The following GMFB variants were observed in gnomAD, a reference collection of about 807,000 sequenced individuals.
GMFB encodes glia maturation factor beta.
Under a neutral mutation model 25.6 loss-of-function variants are expected in GMFB, and 13 were observed. That is an observed-to-expected ratio of 0.51 (90% CI 0.33 to 0.81). GMFB has a LOEUF of 0.81. Among genes scored for constraint, GMFB ranks in the 30% least tolerant of loss-of-function variants. The pLI, the probability that GMFB is intolerant of heterozygous loss-of-function variation, is 0.02. For synonymous variants in GMFB, 57 were observed against 56.9 expected (o/e 1.00, Z 0.00); for missense variants, 146 against 175.4 (o/e 0.83, Z 0.95).
rs756306315 is a variant in GMFB at position 54,482,222 on chromosome 14, T to A, written c.101-20A>T. ...TCTTCACTAAAATAAAAATCAAGTA[T>A]GAGTAAGCTGGGATTCTAATGTGAC... On this transcript the variant is annotated intron_variant, in intron 2 of 6. Coordinates refer to ENST00000358056, the MANE Select transcript of GMFB (RefSeq NM_004124.3). The A allele has an allele frequency of 6.4e-7, 1 of 1,559,558 alleles. No homozygotes were observed. The highest frequency in any genetic ancestry group is 2.2e-5 in the East Asian group (1 of 44,562).
At chr14:54,485,886 A>G (rs1435432563) in intron 1 of GMFB, among the ~76,000 whole-genome samples, 1 of 152,208 alleles carries the variant, frequency 6.6e-6, no homozygotes, top group Non-Finnish European at 1.5e-5. Flanking sequence ...GATGCCAAAA[A>G]CATACACTGG....
intron 3 of GMFB, 149 bp from the exon 4 acceptor site, chr14:54,481,607 C>T: frequency 1.6e-6 from 1 of 617,190 alleles, no homozygotes. Flanking sequence ...TACATAAACT[C>T]AGGTTACTAA....
In GMFB at chr14:54,482,079, T is replaced by C. The variant is rs1417410985; in HGVS notation, c.150+74A>G. The C allele has an allele frequency of 3.7e-5, 35 of 937,496 alleles. No individual in the cohort carries two copies. In the East Asian group the frequency reaches 8.3e-4, roughly 22 times the overall value. 58.1% of individuals were successfully genotyped at this position (937,496 alleles called of 1,614,324 possible). On this transcript the variant is annotated intron_variant, in intron 3 of 6. Coordinates refer to ENST00000358056, the MANE Select transcript of GMFB (RefSeq NM_004124.3). Reference sequence around the variant, plus strand: ...GTTCAAGATTCGTTTTAGAAGCATATGTAACTAATATAGCATCTTTTGAGA... The same window carrying C: ...GTTCAAGATTCGTTTTAGAAGCATACGTAACTAATATAGCATCTTTTGAGA...
Position 54,488,940 on chromosome 14 carries a change from C to A in GMFB, c.-13G>T, listed in dbSNP as rs1345531841. ...GGCAACTCACCATTTTCCTTCCGGC[C>A]GTCAGCGGCCTGTCGCCTACACTCG... On this transcript the variant is annotated 5_prime_UTR_variant, in exon 1 of 7. Coordinates refer to ENST00000358056, the MANE Select transcript of GMFB (RefSeq NM_004124.3). 1 of 1,560,400 alleles carries A rather than the reference C, an allele frequency of 6.4e-7. No individual in the cohort carries two copies. Among genetic ancestry groups the A allele is most frequent in the Non-Finnish European group, 8.6e-7 (1 of 1,156,488 alleles).
chr14:54,479,726 A>G, intron 6 of GMFB, 60 bp downstream of exon 6: 6 of 963,660 alleles, frequency 6.2e-6, no homozygotes, highest in Non-Finnish European at 1.0e-5. Flanking sequence ...TATTTTAGCT[A>G]TTGCTTTATA....
chr14:54,481,513 A>G, intron 3 of GMFB, 55 bp from the exon 4 acceptor site: 1 of 1,118,792 alleles, frequency 8.9e-7, no homozygotes, highest in Non-Finnish European at 1.4e-6. Context: ...TAAGTCCTTA[A>G]GAGATACACC....
chr14:54,476,327 T>C lies in GMFB; in HGVS notation c.*1761A>G, dbSNP rs910665269. ...TTCTTGCAGCACTAGTTTCTCTTAC[T>C]GCTGCAAAACAGGTGAAACAAAACC... On this transcript the variant is annotated 3_prime_UTR_variant, in exon 7 of 7. Transcript: ENST00000358056. The C allele has an allele frequency of 1.3e-5, 2 of 152,078 alleles. No individual in the cohort carries two copies. The highest frequency in any genetic ancestry group is 2.9e-5 in the Non-Finnish European group (2 of 67,922). The allele number at this position is 152,078 out of a possible 1,614,324, so 9.4% of individuals were successfully genotyped here. A position where few individuals can be genotyped will look rare whatever the true frequency, so the allele number is the denominator to read the frequency against.
intron 1 of GMFB, among the ~76,000 whole-genome samples, chr14:54,487,522 G>A (rs535972071): frequency 6.6e-6 from 1 of 151,574 alleles, no homozygotes; most frequent in East Asian, 1.9e-4. Flanking sequence ...CAACGCGACA[G>A]AGCGAGACTC....
intron 4 of GMFB, 104 bp downstream of exon 4, chr14:54,481,305 C>G (rs2031707688): frequency 2.5e-6 from 2 of 786,124 alleles, no homozygotes; most frequent in Admixed American, 2.0e-5. Context: ...ATTTGGCTGT[C>G]ATCATGACAC....
intron 1 of GMFB, among the ~76,000 whole-genome samples, chr14:54,486,829 C>T (rs1026789320): frequency 1.4e-5 from 2 of 144,568 alleles, no homozygotes; most frequent in East Asian, 4.3e-4. Context: ...ACCCAGGCAG[C>T]CTATCTTAAC....
Position 54,483,677 on chromosome 14 carries a change from T to G in GMFB, c.94A>C (p.Ile32Leu), listed in dbSNP as rs186866398. The G allele has an allele frequency of 1.9e-5, 29 of 1,540,944 alleles. No individual in the cohort carries two copies. In the East Asian group the frequency reaches 6.5e-4, roughly 35 times the overall value. ...RFRKETNNAA[I>L]IMKIDKDKRL... ...GCAATCACTTTTAGCTTACTTATAA[T>G]AGCAGCGTTGTTCGTTTCTTTGCGA... The change falls in exon 2 of 7, where the codon ATT (isoleucine) becomes CTT (leucine). Residue 32 changes from isoleucine (I) to leucine (L), a missense_variant. By Grantham distance (5) the Ile-to-Leu change is conservative. Coordinates refer to ENST00000358056, the MANE Select transcript of GMFB (RefSeq NM_004124.3).
intron 1 of GMFB, among the ~76,000 whole-genome samples, chr14:54,486,068 G>A (rs909802952): frequency 6.6e-5 from 10 of 152,118 alleles, no homozygotes; most frequent in Non-Finnish European, 1.3e-4. Context: ...TGGCTAACAT[G>A]GTGAAACCCC....
Position 54,475,639 on chromosome 14 carries a change from C to T in GMFB, c.*2449G>A, listed in dbSNP as rs113526277. 85 of 152,572 alleles carry T rather than the reference C, an allele frequency of 5.6e-4. No homozygotes were observed. The highest frequency in any genetic ancestry group is 1.9e-3 in the African/African-American group (77 of 41,542). The allele number at this position is 152,572 out of a possible 1,614,324, so 9.5% of individuals were successfully genotyped here. A position where few individuals can be genotyped will look rare whatever the true frequency, so the allele number is the denominator to read the frequency against. ...GCATAGTAACCTGAGAAGTTTTCTT[C>T]GTATGTATTTTTGTTGTCATGGAAA... On this transcript the variant is annotated 3_prime_UTR_variant, in exon 7 of 7. Transcript: ENST00000358056.
chr14:54,482,109 ATAAT>A (rs750704325), intron 3 of GMFB, 40 bp downstream of exon 3: 2 of 1,226,912 alleles, frequency 1.6e-6, no homozygotes, highest in Admixed American at 1.8e-5. Flanking sequence ...TTGAGAAATA[ATAAT>A]TACTTAACTA....
At position 54,488,963 on chromosome 14, in the gene GMFB, T is replaced by C; in HGVS notation, c.-36A>G. On this transcript the variant is annotated 5_prime_UTR_variant, in exon 1 of 7. Coordinates refer to ENST00000358056, the MANE Select transcript of GMFB (RefSeq NM_004124.3). ...GCCGTCAGCGGCCTGTCGCCTACACTCGGGCGCCTTTAAGAATGGCACGGC... is the reference window on the plus strand; with the variant it reads ...GCCGTCAGCGGCCTGTCGCCTACACCCGGGCGCCTTTAAGAATGGCACGGC... The C allele has an allele frequency of 1.3e-6, 2 of 1,548,836 alleles. No individual in the cohort carries two copies. The highest frequency in any genetic ancestry group is 1.7e-6 in the Non-Finnish European group (2 of 1,149,128).
chr14:54,476,409 GCATTCCTA>G lies in GMFB; in HGVS notation c.*1671_*1678del, dbSNP rs2031641169. ...CTCTCCACTCACTTGGATTACATGT[GCATTCCTA>G]CAGAATTATATGCATGTTATTCTCC... On this transcript the variant is annotated 3_prime_UTR_variant, in exon 7 of 7. Transcript: ENST00000358056. 1 of 151,966 alleles carries G rather than the reference GCATTCCTA, an allele frequency of 6.6e-6. No homozygotes were observed. The highest frequency in any genetic ancestry group is 1.5e-5 in the Non-Finnish European group (1 of 67,892). 9.4% of individuals were successfully genotyped at this position (151,966 alleles called of 1,614,324 possible).
At chr14:54,479,657 G>A in intron 6 of GMFB, 129 bp downstream of exon 6, 1 of 533,234 alleles carries the variant, frequency 1.9e-6, no homozygotes, top group Non-Finnish European at 3.4e-6. Context: ...AAAAGCTTTG[G>A]CTAACTTACT....
In GMFB at chr14:54,476,588, C is replaced by T. The variant is rs189772591; in HGVS notation, c.*1500G>A. On this transcript the variant is annotated 3_prime_UTR_variant, in exon 7 of 7. Transcript: ENST00000358056. ...CTTCCTCATCTCCAACTTTCTATTGCTTCCTGACTTCTAAATTAGTGAAGC... is the reference window on the plus strand; with the variant it reads ...CTTCCTCATCTCCAACTTTCTATTGTTTCCTGACTTCTAAATTAGTGAAGC... 13 of 152,150 alleles carry T rather than the reference C, an allele frequency of 8.5e-5. No individual in the cohort carries two copies. Among genetic ancestry groups the T allele is most frequent in the Non-Finnish European group, 1.6e-4 (11 of 67,900 alleles). The allele number at this position is 152,150 out of a possible 1,614,324, so 9.4% of individuals were successfully genotyped here. A position where few individuals can be genotyped will look rare whatever the true frequency, so the allele number is the denominator to read the frequency against.
At position 54,480,931 on chromosome 14, in the gene GMFB, G is replaced by T; in HGVS notation, c.226C>A (p.Gln76Lys). The change falls in exon 5 of 7, where the codon CAA becomes AAA. Residue 76 changes from glutamine (Q) to lysine (K), a missense_variant. Gln to Lys is a moderately conservative substitution (Grantham distance 53). Coordinates refer to ENST00000358056, the MANE Select transcript of GMFB (RefSeq NM_004124.3). ...PRFIVYSYKY[Q>K]HDDGRVSYPL... is the part of the protein sequence containing the mutation. ...TATGAAACTCTTCCATCATCATGTT[G>T]ATATTTATAACTATACACAATGAAG... 6.6e-7 allele frequency: 1 copy of T among 1,521,122 alleles called. No homozygotes were observed. The highest frequency in any genetic ancestry group is 9.1e-7 in the Non-Finnish European group (1 of 1,103,648). 94.2% of individuals were successfully genotyped at this position (1,521,122 alleles called of 1,614,324 possible).
Sources: allele counts gnomAD v4.1 joint callset (sites outside exome capture counted in the v4.1 genomes callset), GRCh38; gene constraint gnomAD v4.1.1; transcripts MANE v1.5; gene names NCBI Gene and HGNC (gene_info 2026-07-23, HGNC 2026-07-21).